The following PLEKHA1 variants were observed in gnomAD, a reference collection of about 807,000 sequenced individuals.
PLEKHA1 encodes pleckstrin homology domain containing A1.
A neutral mutation model predicts 52.0 loss-of-function variants in PLEKHA1; 34 were observed. The observed-to-expected ratio is 0.65, with a 90% confidence interval of 0.50 to 0.87. The LOEUF (loss-of-function observed/expected upper bound fraction) is 0.87, where lower values mean the gene tolerates loss of function less well. Ranked by LOEUF, PLEKHA1 falls within the 40% of genes least tolerant of loss-of-function variation. PLEKHA1 has a pLI of 0.00. For missense variants in PLEKHA1, 497 were observed against 504.2 expected (o/e 0.99, Z 0.14); for synonymous variants, 163 against 170.7 (o/e 0.95, Z 0.35).
chr10:122,433,714 C>T (rs146181194), downstream of PLEKHA1: 84 of 152,234 alleles, frequency 5.5e-4, no homozygotes, highest in African/African-American at 2.0e-3. Flanking sequence ...ATACATTGTC[C>T]TAGAATGCAA....
At chr10:122,394,719 C>A (rs1383324031) in intron 2 of PLEKHA1, among the ~76,000 whole-genome samples, 3 of 152,094 alleles carry the variant, frequency 2.0e-5, no homozygotes, top group Non-Finnish European at 2.9e-5. Flanking sequence ...TTGTAAGGGA[C>A]CTCTCCTCAC....
At chr10:122,390,344 A>G (rs2096758984) in intron 1 of PLEKHA1, among the ~76,000 whole-genome samples, 1 of 152,228 alleles carries the variant, frequency 6.6e-6, no homozygotes, top group Non-Finnish European at 1.5e-5. Context: ...TCACTGAAGT[A>G]GCACTTTTAA....
intron 10 of PLEKHA1, chr10:122,425,669 G>A (rs2097328123): frequency 7.3e-6 from 1 of 137,758 alleles, no homozygotes; most frequent in African/African-American, 2.8e-5. Flanking sequence ...AGTGAGCTGA[G>A]ATCGTGTTAC....
intron 8 of PLEKHA1, chr10:122,419,776 A>G (rs1034618325): frequency 2.0e-5 from 3 of 152,170 alleles, no homozygotes; most frequent in African/African-American, 7.2e-5. Flanking sequence ...AAGTTTTCCT[A>G]ATTTTACGGA....
At chr10:122,385,218 A>G (rs1485770432) in intron 1 of PLEKHA1, among the ~76,000 whole-genome samples, 1 of 151,848 alleles carries the variant, frequency 6.6e-6, no homozygotes, top group South Asian at 2.1e-4. Flanking sequence ...TTATAGAAAT[A>G]TAATTATTTC....
intron 1 of PLEKHA1, among the ~76,000 whole-genome samples, chr10:122,389,091 C>T (rs983507877): frequency 4.6e-5 from 7 of 152,222 alleles, no homozygotes; most frequent in Non-Finnish European, 8.8e-5. Context: ...ATGTTCTGAA[C>T]AGCATCTAGA....
intron 1 of PLEKHA1, among the ~76,000 whole-genome samples, chr10:122,384,627 ATG>A (rs2096663005): frequency 1.4e-5 from 2 of 138,480 alleles, no homozygotes; most frequent in African/African-American, 5.3e-5. Flanking sequence ...AAAAAAAAAA[ATG>A]ACTTGTAGTC....
At chr10:122,422,817 C>T (rs1027509307) in intron 8 of PLEKHA1, 28 of 152,138 alleles carry the variant, frequency 1.8e-4, no homozygotes, top group Admixed American at 1.4e-3. Context: ...TGTGGTTATG[C>T]AAGAGCACAT....
the PLEKHA1 span, chr10:122,440,470 AT>A: frequency 6.6e-6 from 1 of 151,998 alleles, no homozygotes. Flanking sequence ...TTTCCTAATA[AT>A]TGTTGCCTGT....
chr10:122,382,233 G>T (rs1416109190), intron 1 of PLEKHA1, among the ~76,000 whole-genome samples: 2 of 152,136 alleles, frequency 1.3e-5, no homozygotes, highest in Non-Finnish European at 2.9e-5. Flanking sequence ...TAGAATATTA[G>T]TATCATCCCC....
chr10:122,421,059 G>T (rs2133373712), intron 8 of PLEKHA1: 1 of 152,284 alleles, frequency 6.6e-6, no homozygotes, highest in East Asian at 1.9e-4. Context: ...TAGTTTCAAA[G>T]TACCTGTCTA....
At chr10:122,398,593 TTGTGTGTGTGTG>T (rs10653605) in intron 3 of PLEKHA1, among the ~76,000 whole-genome samples, 3 of 147,516 alleles carry the variant, frequency 2.0e-5, no homozygotes, top group African/African-American at 5.0e-5. Flanking sequence ...CCCTATGGGT[TTGTGTGTGTGTG>T]TGTGTGTGTG....
chr10:122,410,762 T>G lies in PLEKHA1; in HGVS notation c.343-2158T>G, dbSNP rs181510377. On this transcript the variant is annotated intron_variant, in intron 5 of 11. Transcript: ENST00000368990. ...GAAAAACCAATATAAATTTCGGTAT[T>G]TTTTAGAATGATTTTAAAGGTTTTT... 1.2e-3 allele frequency among the ~76,000 whole-genome samples: 189 copies of G among 152,304 alleles called. 1 individual carries two copies. The highest frequency in any genetic ancestry group is 0.01 in the Middle Eastern group (3 of 294).
downstream of PLEKHA1, chr10:122,433,916 T>C (rs1054457287): frequency 6.6e-6 from 1 of 152,096 alleles, no homozygotes; most frequent in Non-Finnish European, 1.5e-5. Context: ...GTTTAGCAAA[T>C]GAAGCTTTAA....
intron 1 of PLEKHA1, among the ~76,000 whole-genome samples, chr10:122,379,324 T>C (rs1012920681): frequency 1.3e-5 from 2 of 152,218 alleles, no homozygotes; most frequent in Non-Finnish European, 1.5e-5. Flanking sequence ...GGAAACTCAC[T>C]TCCTTGTGAT....
rs115353620 is a variant in PLEKHA1, at chr10:122,406,438, A to G, written c.245-138A>G. ...TGTGTTATTGTGTGATAAAAGCTGT[A>G]TTACATGTGGTCTGATATATTTTGT... On this transcript the variant is annotated intron_variant, in intron 4 of 11. Transcript: ENST00000368990. The G allele has an allele frequency of 1.1e-4, 77 of 688,778 alleles. No individual in the cohort carries two copies. In the African/African-American group the frequency reaches 1.3e-3, roughly 11 times the overall value. The allele number at this position is 688,778 out of a possible 1,614,324, so 42.7% of individuals were successfully genotyped here.
At chr10:122,376,501 GATATATATATATATATATAT>G (rs56781870) in intron 1 of PLEKHA1, among the ~76,000 whole-genome samples, 1 of 146,834 alleles carries the variant, frequency 6.8e-6, no homozygotes, top group African/African-American at 2.5e-5. Flanking sequence ...ACATTAAGAA[GATATATATATATATATATAT>G]ATATATATAT....
intron 4 of PLEKHA1, among the ~76,000 whole-genome samples, chr10:122,405,980 C>T (rs1369261330): frequency 6.6e-6 from 1 of 152,142 alleles, no homozygotes; most frequent in Non-Finnish European, 1.5e-5. Flanking sequence ...AGAATGGCCT[C>T]AGATGGGGTC....
chr10:122,391,105 C>T (rs1314343287), intron 1 of PLEKHA1, among the ~76,000 whole-genome samples: 4 of 151,766 alleles, frequency 2.6e-5, no homozygotes, highest in African/African-American at 9.7e-5. Context: ...GGATAAATGT[C>T]TCTTCAAGTC....
Sources: allele counts gnomAD v4.1 joint callset (sites outside exome capture counted in the v4.1 genomes callset), GRCh38; gene constraint gnomAD v4.1.1; transcripts MANE v1.5; gene names NCBI Gene and HGNC (gene_info 2026-07-23, HGNC 2026-07-21).